ARSK: variants seen among roughly 807,000 people sequenced by gnomAD.
The protein encoded by ARSK is arylsulfatase family member K, also known as arylsulfatase K.
A neutral mutation model predicts 53.2 loss-of-function variants in ARSK; 37 were observed. That is an observed-to-expected ratio of 0.70 (90% CI 0.54 to 0.92). ARSK has a LOEUF of 0.92. ARSK is among the 40% of genes least tolerant of loss of function. The probability of loss-of-function intolerance (pLI) is 0.00; values close to 1 mark genes in which losing one functional copy is unlikely to be tolerated. For missense variants in ARSK, 613 were observed against 643.0 expected (o/e 0.95, Z 0.51); for synonymous variants, 208 against 223.2 (o/e 0.93, Z 0.61).
chr5:95,588,391 C>T (rs1242532884), intron 5 of ARSK, among the ~76,000 whole-genome samples: 2 of 151,958 alleles, frequency 1.3e-5, no homozygotes, highest in East Asian at 2.0e-4. Context: ...CACGCGCCAC[C>T]ACGCCCAGCT....
chr5:95,566,216 A>G, intron 2 of ARSK, 89 bp downstream of exon 2: 2 of 1,486,334 alleles, frequency 1.3e-6, no homozygotes, highest in South Asian at 1.3e-5. Flanking sequence ...AAAGTAGAAT[A>G]GTTGTATTTG....
intron 6 of ARSK, among the ~76,000 whole-genome samples, chr5:95,597,909 GGGGC>G (rs1749340632): frequency 6.7e-6 from 1 of 149,734 alleles, no homozygotes; most frequent in Non-Finnish European, 1.5e-5. Flanking sequence ...AAAAAAGTGG[GGGGC>G]GGGTAATAGT....
At chr5:95,577,596 A>G (rs1748947186) in intron 3 of ARSK, among the ~76,000 whole-genome samples, 1 of 152,308 alleles carries the variant, frequency 6.6e-6, no homozygotes, top group East Asian at 1.9e-4. Context: ...TTAAACATGT[A>G]TACTCTGTCA....
chr5:95,588,987 A>C (rs1032729937), intron 5 of ARSK, among the ~76,000 whole-genome samples: 43 of 152,078 alleles, frequency 2.8e-4, no homozygotes, highest in African/African-American at 1.0e-3. Flanking sequence ...AAAAAAAATT[A>C]AAGACAATCT....
At chr5:95,590,384 G>T (rs1749191987) in intron 5 of ARSK, among the ~76,000 whole-genome samples, 1 of 152,058 alleles carries the variant, frequency 6.6e-6, no homozygotes, top group Non-Finnish European at 1.5e-5. Context: ...GTGGACAGGG[G>T]CATTGCTTGT....
intron 5 of ARSK, among the ~76,000 whole-genome samples, chr5:95,588,217 T>C (rs185252498): frequency 6.6e-6 from 1 of 151,890 alleles, no homozygotes; most frequent in East Asian, 1.9e-4. Context: ...TTACAAAATT[T>C]ATGGAATATA....
At position 95,586,619 on chromosome 5, in the gene ARSK, G is replaced by C; in HGVS notation, c.757G>C (p.Val253Leu). The change falls in exon 5 of 8, where the codon GTA (valine) becomes CTA (leucine). Residue 253 changes from valine to leucine, a missense_variant. By Grantham distance (32) the Val-to-Leu change is conservative. Coordinates refer to ENST00000380009, the MANE Select transcript of ARSK (RefSeq NM_198150.3). ...KWSPLSEMHP[V>L]DYYSSYTKNC... ...GTCACCTTTGTCAGAAATGCACCCT[G>C]TAGATTATTACTCTTCTTATACAAA... is the stretch of plus-strand genomic sequence containing the variant. 1 of 1,612,330 alleles carries C rather than the reference G, an allele frequency of 6.2e-7. No individual in the cohort carries two copies. The highest frequency in any genetic ancestry group is 8.5e-7 in the Non-Finnish European group (1 of 1,179,146).
chr5:95,575,999 G>A (rs990591934), intron 3 of ARSK, among the ~76,000 whole-genome samples: 3 of 151,974 alleles, frequency 2.0e-5, no homozygotes, highest in Non-Finnish European at 2.9e-5. Context: ...TCCTCATTCA[G>A]CATGATACTA....
chr5:95,557,827 C>G (rs533782708), intron 1 of ARSK, among the ~76,000 whole-genome samples: 5 of 152,252 alleles, frequency 3.3e-5, no homozygotes, highest in African/African-American at 1.2e-4. Flanking sequence ...ACAAGCAAAC[C>G]AAATGAAAAC....
At chr5:95,561,845 A>G (rs1460769530) in intron 1 of ARSK, among the ~76,000 whole-genome samples, 1 of 152,206 alleles carries the variant, frequency 6.6e-6, no homozygotes, top group Non-Finnish European at 1.5e-5. Context: ...ATACACTAAA[A>G]ACCATTGAAT....
chr5:95,569,550 A>G (rs950161659), intron 3 of ARSK, among the ~76,000 whole-genome samples: 2 of 152,242 alleles, frequency 1.3e-5, no homozygotes, highest in Non-Finnish European at 2.9e-5. Context: ...GTAGTGAGGC[A>G]GCTACAAGCC....
intron 3 of ARSK, among the ~76,000 whole-genome samples, chr5:95,579,071 T>A (rs948355439): frequency 2.6e-5 from 4 of 152,228 alleles, no homozygotes; most frequent in Non-Finnish European, 5.9e-5. Context: ...ATAATTCTCC[T>A]ATTTATAGGC....
chr5:95,602,067 G>C (rs150045818), intron 7 of ARSK, among the ~76,000 whole-genome samples: 1 of 152,004 alleles, frequency 6.6e-6, no homozygotes, highest in Non-Finnish European at 1.5e-5. Flanking sequence ...TAACCAATCC[G>C]AAGGGGCTCA....
chr5:95,571,422 T>G (rs1748829667), intron 3 of ARSK, among the ~76,000 whole-genome samples: 1 of 152,238 alleles, frequency 6.6e-6, no homozygotes, highest in Admixed American at 6.5e-5. Context: ...AATGAAAAAG[T>G]TATTTTGAAG....
rs1749447804 is a variant in ARSK at position 95,603,520 on chromosome 5, A to C, written c.1605A>C (p.Ala535=). Reference sequence around the variant, plus strand: ...TTAAAACCCATATGAATCCAAGAGCAGTTTGAACAAAAAGTTTAAAAATAG... The same window carrying C: ...TTAAAACCCATATGAATCCAAGAGCCGTTTGAACAAAAAGTTTAAAAATAG... The part of the protein sequence containing the change: ...QWLKTHMNPR[A]V The change falls in exon 8 of 8, where the codon GCA becomes GCC. Residue 535 remains alanine (A), a synonymous_variant. Coordinates refer to ENST00000380009, the MANE Select transcript of ARSK (RefSeq NM_198150.3). The C allele has an allele frequency of 6.3e-7, 1 of 1,588,752 alleles. No homozygotes were observed. Among genetic ancestry groups the C allele is most frequent in the East Asian group, 2.2e-5 (1 of 44,634 alleles).
intron 3 of ARSK, among the ~76,000 whole-genome samples, chr5:95,573,368 G>T (rs1341853412): frequency 1.3e-5 from 2 of 152,056 alleles, no homozygotes; most frequent in Non-Finnish European, 2.9e-5. Flanking sequence ...ATATTAAGTA[G>T]AATTCCTTAA....
chr5:95,567,598 G>A (rs190548120), intron 2 of ARSK, among the ~76,000 whole-genome samples: 224 of 152,226 alleles, frequency 1.5e-3, no homozygotes, highest in African/African-American at 5.3e-3. Context: ...ATTGAAAGAG[G>A]CCTCTAGTCA....
chr5:95,567,792 A>T, intron 2 of ARSK, 98 bp from the exon 3 acceptor site: 2 of 1,197,302 alleles, frequency 1.7e-6, no homozygotes, highest in Non-Finnish European at 2.3e-6. Context: ...GCAGAGCATA[A>T]GCTCTTCACT....
intron 4 of ARSK, 62 bp downstream of exon 4, chr5:95,583,260 C>G (rs1461444826): frequency 7.6e-7 from 1 of 1,321,592 alleles, no homozygotes; most frequent in East Asian, 2.4e-5. Flanking sequence ...TTGGTATTTG[C>G]TCATTGTTTC....
Sources: allele counts gnomAD v4.1 joint callset (sites outside exome capture counted in the v4.1 genomes callset), GRCh38; gene constraint gnomAD v4.1.1; transcripts MANE v1.5; gene names NCBI Gene and HGNC (gene_info 2026-07-23, HGNC 2026-07-21).